MAN1A2: variants seen among roughly 807,000 people sequenced by gnomAD.
MAN1A2 encodes mannosidase alpha class 1A member 2, also known as mannosyl-oligosaccharide 1,2-alpha-mannosidase IB.
Under a neutral mutation model 75.7 loss-of-function variants are expected in MAN1A2, and 26 were observed. The observed-to-expected ratio is 0.34, with a 90% CI of 0.25 to 0.48. The LOEUF is 0.48. Ranked by LOEUF, MAN1A2 falls within the 20% of genes least tolerant of loss-of-function variation. MAN1A2 has a pLI of 0.99. For missense variants in MAN1A2, 562 were observed against 775.5 expected (o/e 0.72, Z 3.27); for synonymous variants, 247 against 264.6 (o/e 0.93, Z 0.65).
intron 1 of MAN1A2, among the ~76,000 whole-genome samples, chr1:117,377,311 T>G (rs1289449315): frequency 6.6e-6 from 1 of 152,224 alleles, no homozygotes; most frequent in Non-Finnish European, 1.5e-5. Context: ...ATAAAAAGAT[T>G]GGTAACACGC....
At chr1:117,370,657 G>T (rs994474220) in intron 1 of MAN1A2, among the ~76,000 whole-genome samples, 4 of 151,750 alleles carry the variant, frequency 2.6e-5, no homozygotes, top group African/African-American at 9.7e-5. Flanking sequence ...TTTACAGTTG[G>T]TACTAAGATC....
At chr1:117,479,235 T>C (rs1650416100) in intron 8 of MAN1A2, among the ~76,000 whole-genome samples, 1 of 151,956 alleles carries the variant, frequency 6.6e-6, no homozygotes, top group South Asian at 2.1e-4. Context: ...CTGAGGCTAA[T>C]GGCTTCCAGC....
intron 12 of MAN1A2, among the ~76,000 whole-genome samples, chr1:117,510,934 C>T (rs1411190382): frequency 1.3e-5 from 2 of 151,976 alleles, no homozygotes; most frequent in Non-Finnish European, 2.9e-5. Flanking sequence ...CTTTATTTTT[C>T]TTCATAACAC....
At chr1:117,455,965 T>G (rs1293694700) in intron 6 of MAN1A2, among the ~76,000 whole-genome samples, 1 of 152,014 alleles carries the variant, frequency 6.6e-6, no homozygotes, top group African/African-American at 2.4e-5. Flanking sequence ...ACTTAAAAAA[T>G]TTTTAAAGCA....
At chr1:117,502,155 C>T (rs1651221365) in intron 11 of MAN1A2, among the ~76,000 whole-genome samples, 1 of 151,648 alleles carries the variant, frequency 6.6e-6, no homozygotes, top group African/African-American at 2.4e-5. Context: ...CTCAGTTTTC[C>T]CATCTGAAAA....
intron 8 of MAN1A2, among the ~76,000 whole-genome samples, chr1:117,492,176 C>A (rs746713535): frequency 6.6e-6 from 1 of 152,054 alleles, no homozygotes; most frequent in Non-Finnish European, 1.5e-5. Flanking sequence ...CCACAAGCTA[C>A]AGAGAGATCT....
At chr1:117,474,940 G>T (rs539438700) in intron 8 of MAN1A2, among the ~76,000 whole-genome samples, 1 of 151,836 alleles carries the variant, frequency 6.6e-6, no homozygotes, top group East Asian at 2.0e-4. Context: ...TAGATAAATG[G>T]CATCCTTTAT....
At chr1:117,395,202 G>A (rs1479323412) in intron 1 of MAN1A2, among the ~76,000 whole-genome samples, 1 of 152,174 alleles carries the variant, frequency 6.6e-6, no homozygotes, top group African/African-American at 2.4e-5. Flanking sequence ...TAAGGAGGAA[G>A]AAAGAAAAGA....
At chr1:117,512,750 T>TAC (rs3050979) in intron 12 of MAN1A2, among the ~76,000 whole-genome samples, 15,744 of 143,720 alleles carry the variant, frequency 0.11, 924 homozygotes, top group South Asian at 0.2. Flanking sequence ...GGCACTGGGA[T>TAC]ACACACACAC....
chr1:117,402,066 A>T, intron 1 of MAN1A2, 120 bp from the exon 2 acceptor site: 1 of 1,014,466 alleles, frequency 9.9e-7, no homozygotes, highest in Non-Finnish European at 1.4e-6. Context: ...CTTTCCTTTT[A>T]ATGGCAAAAG....
At chr1:117,481,342 A>G (rs1650490285) in intron 8 of MAN1A2, among the ~76,000 whole-genome samples, 1 of 151,350 alleles carries the variant, frequency 6.6e-6, no homozygotes. Context: ...GGAATAGTCT[A>G]TTTTTCTTGT....
chr1:117,390,773 CT>C (rs1009479873), intron 1 of MAN1A2, among the ~76,000 whole-genome samples: 10 of 150,638 alleles, frequency 6.6e-5, no homozygotes, highest in African/African-American at 1.9e-4. Context: ...TTTAACTTTT[CT>C]TTTTTTTTCT....
chr1:117,415,577 G>C (rs1263723840), intron 4 of MAN1A2, among the ~76,000 whole-genome samples: 1 of 152,074 alleles, frequency 6.6e-6, no homozygotes, highest in Non-Finnish European at 1.5e-5. Flanking sequence ...ATCTCAAAGA[G>C]AACAATTTTT....
chr1:117,442,139 T>A, intron 5 of MAN1A2, 92 bp from the exon 6 acceptor site: 1 of 807,162 alleles, frequency 1.2e-6, no homozygotes, highest in East Asian at 2.5e-5. Context: ...GTGTACCCAG[T>A]ACCTTGTGCT....
intron 12 of MAN1A2, among the ~76,000 whole-genome samples, chr1:117,516,927 A>T (rs1357159284): frequency 6.6e-6 from 1 of 152,130 alleles, no homozygotes; most frequent in Non-Finnish European, 1.5e-5. Context: ...TGAAGAACCT[A>T]CCTGAGGTGA....
intron 1 of MAN1A2, among the ~76,000 whole-genome samples, chr1:117,400,685 A>G (rs1361188377): frequency 1.3e-5 from 2 of 152,180 alleles, no homozygotes; most frequent in South Asian, 2.1e-4. Flanking sequence ...TGTATAAACA[A>G]TTCACTCCTT....
At chr1:117,422,478 T>C (rs900311350) in intron 5 of MAN1A2, among the ~76,000 whole-genome samples, 3 of 152,144 alleles carry the variant, frequency 2.0e-5, no homozygotes, top group Non-Finnish European at 4.4e-5. Flanking sequence ...GATAAATACA[T>C]AGGAATGGGA....
chr1:117,492,104 T>C (rs1351105874), intron 8 of MAN1A2, among the ~76,000 whole-genome samples: 1 of 152,108 alleles, frequency 6.6e-6, no homozygotes, highest in African/African-American at 2.4e-5. Flanking sequence ...AGTGTCAGGA[T>C]ATGAGAGTGG....
At chr1:117,502,991 A>C (rs1453033430) in intron 12 of MAN1A2, 21 bp downstream of exon 12, 1 of 1,330,714 alleles carries the variant, frequency 7.5e-7, no homozygotes, top group South Asian at 1.3e-5. Flanking sequence ...AGCTTTAAAA[A>C]ATATTTTTAT....
Sources: allele counts gnomAD v4.1 joint callset (sites outside exome capture counted in the v4.1 genomes callset), GRCh38; gene constraint gnomAD v4.1.1; transcripts MANE v1.5; gene names NCBI Gene and HGNC (gene_info 2026-07-23, HGNC 2026-07-21).